The following FCHO2 variants were observed in gnomAD, a reference collection of about 807,000 sequenced individuals.
The protein encoded by FCHO2 is F-BAR domain only protein 2.
FCHO2 carries 43 observed loss-of-function variants against 114.1 expected under a neutral mutation model. That is an observed-to-expected ratio of 0.38 (90% CI 0.30 to 0.49). FCHO2 has a LOEUF of 0.49. Ranked by LOEUF, FCHO2 falls within the 20% of genes least tolerant of loss-of-function variation. The pLI, the probability that FCHO2 is intolerant of heterozygous loss-of-function variation, is 0.97. For synonymous variants in FCHO2, 293 were observed against 315.2 expected (o/e 0.93, Z 0.75); for missense variants, 807 against 950.4 (o/e 0.85, Z 1.98).
chr5:73,078,987 T>C (rs570507348), intron 22 of FCHO2, among the ~76,000 whole-genome samples: 5 of 152,366 alleles, frequency 3.3e-5, no homozygotes, highest in South Asian at 2.1e-4. Context: ...AGTTAACTTA[T>C]ACATCTAATA....
At chr5:73,068,463 A>G (rs1742471754) in intron 18 of FCHO2, among the ~76,000 whole-genome samples, 187 bp from the exon 19 acceptor site, 1 of 152,086 alleles carries the variant, frequency 6.6e-6, no homozygotes, top group Non-Finnish European at 1.5e-5. Flanking sequence ...ATTATTTCAA[A>G]ATAATCTTTT....
In FCHO2 at chr5:73,068,776, G is replaced by A; in HGVS notation, c.1576G>A (p.Val526Ile). The change falls in exon 19 of 26, where the codon GTA (valine) becomes ATA (isoleucine). Residue 526 changes from valine to isoleucine, a missense_variant. Val to Ile is a conservative substitution (Grantham distance 29). Coordinates refer to ENST00000430046, the MANE Select transcript of FCHO2 (RefSeq NM_138782.3). ...ASLSAANTPTVGVSRGPSPVS... is the reference protein window; with the variant it reads ...ASLSAANTPTIGVSRGPSPVS... ...ATTGAGTGCTGCCAATACTCCAACAGTAGGTAAGTGATTATCATCAATTAC... is the reference window on the plus strand; with the variant it reads ...ATTGAGTGCTGCCAATACTCCAACAATAGGTAAGTGATTATCATCAATTAC... 1 of 1,611,020 alleles carries A rather than the reference G, an allele frequency of 6.2e-7. No individual in the cohort carries two copies. Among genetic ancestry groups the A allele is most frequent in the Non-Finnish European group, 8.5e-7 (1 of 1,178,354 alleles).
intron 24 of FCHO2, 69 bp downstream of exon 24, chr5:73,082,894 A>G: frequency 7.7e-7 from 1 of 1,304,512 alleles, no homozygotes. Context: ...TTTTTTTTTA[A>G]AACAGAGTCT....
At chr5:73,085,843 G>C (rs868540516) in intron 24 of FCHO2, among the ~76,000 whole-genome samples, 1 of 151,052 alleles carries the variant, frequency 6.6e-6, no homozygotes, top group Non-Finnish European at 1.5e-5. Context: ...CTGTAAAATA[G>C]GCTGGGCACG....
At chr5:73,004,047 CAAAAAAAAA>C (rs34849736) in intron 5 of FCHO2, among the ~76,000 whole-genome samples, 1 of 26,496 alleles carries the variant, frequency 3.8e-5, no homozygotes, top group Admixed American at 4.7e-4. Context: ...GACTCCATCT[CAAAAAAAAA>C]AAAAAAAAAA....
chr5:73,081,671 C>G, intron 22 of FCHO2, 112 bp from the exon 23 acceptor site: 1 of 705,820 alleles, frequency 1.4e-6, no homozygotes, highest in East Asian at 3.2e-5. Flanking sequence ...AGATAGTCCC[C>G]TCATTAGATA....
intron 9 of FCHO2, among the ~76,000 whole-genome samples, chr5:73,036,832 T>A (rs1024528107): frequency 1.3e-5 from 2 of 152,202 alleles, no homozygotes; most frequent in Non-Finnish European, 2.9e-5. Flanking sequence ...GTACTTTCTT[T>A]GAAGTTTTAA....
intron 1 of FCHO2, 95 bp from the exon 2 acceptor site, chr5:72,968,403 G>A (rs1752324239): frequency 1.3e-6 from 1 of 782,198 alleles, no homozygotes; most frequent in Admixed American, 3.6e-5. Flanking sequence ...CCTCACCTGA[G>A]CACAGGATTG....
At chr5:73,086,480 A>G (rs1743315811) in intron 24 of FCHO2, among the ~76,000 whole-genome samples, 1 of 152,142 alleles carries the variant, frequency 6.6e-6, no homozygotes, top group Non-Finnish European at 1.5e-5. Context: ...ATTTCTGTCC[A>G]TTTGCTCTAT....
chr5:72,996,540 A>C (rs1754113798), intron 5 of FCHO2, among the ~76,000 whole-genome samples: 4 of 120,858 alleles, frequency 3.3e-5, no homozygotes, highest in African/African-American at 6.3e-5. Flanking sequence ...CCCCTCCCTT[A>C]CCCCTTCATC....
intron 8 of FCHO2, chr5:73,021,170 C>T (rs2112758157): frequency 1.3e-6 from 1 of 774,678 alleles, no homozygotes; most frequent in Non-Finnish European, 2.4e-6. Flanking sequence ...CTCCTTTGTC[C>T]AGGCTGGTGA....
At chr5:73,047,126 C>G (rs937092964) in intron 11 of FCHO2, among the ~76,000 whole-genome samples, 3 of 151,972 alleles carry the variant, frequency 2.0e-5, no homozygotes, top group African/African-American at 7.3e-5. Flanking sequence ...ACTTGTATGC[C>G]CTTTATTTTT....
At chr5:73,004,553 G>T (rs1378327979) in intron 5 of FCHO2, among the ~76,000 whole-genome samples, 2 of 151,926 alleles carry the variant, frequency 1.3e-5, no homozygotes, top group Non-Finnish European at 2.9e-5. Context: ...ATAAAAGCAG[G>T]CACTATTTAT....
In FCHO2 at chr5:73,068,696, C is replaced by T. The variant is rs1237814977; in HGVS notation, c.1496C>T (p.Pro499Leu). 4.3e-6 allele frequency: 7 copies of T among 1,612,408 alleles called. No homozygotes were observed. In the African/African-American group the frequency reaches 9.4e-5, roughly 22 times the overall value. Residue 499 changes from proline (P) to leucine (L), a missense_variant, in exon 19 of 26, where the codon CCT (proline) becomes CTT (leucine). Physicochemically the swap from Pro to Leu is moderately conservative, Grantham distance 98. Transcript: ENST00000430046. ...GTAACTTCCAACACCAGCCCACCTC[C>T]TGCTGCACCATTAGCCCGGGCAGAA... ...PPVTSNTSPP[P>L]AAPLARAESS...
Position 72,968,516 on chromosome 5 carries a change from T to C in FCHO2, c.52T>C (p.Phe18Leu). The C allele has an allele frequency of 6.6e-7, 1 of 1,522,750 alleles. No individual in the cohort carries two copies. The highest frequency in any genetic ancestry group is 8.7e-7 in the Non-Finnish European group (1 of 1,144,258). The allele number at this position is 1,522,750 out of a possible 1,614,324, so 94.3% of individuals were successfully genotyped here. A position where few individuals can be genotyped will look rare whatever the true frequency, so the allele number is the denominator to read the frequency against. ...ENFWGEKNSG[F>L]DVLYHNMKHG... is the part of the protein sequence containing the mutation. ...ATTTTAGGGGGAAAAAAATAGTGGC[T>C]TTGATGTCCTCTACCATAATATGAA... Residue 18 changes from phenylalanine to leucine, a missense_variant, in exon 2 of 26, where the codon TTT (phenylalanine) becomes CTT (leucine). Physicochemically the swap from Phe to Leu is conservative, Grantham distance 22. Coordinates refer to ENST00000430046, the MANE Select transcript of FCHO2 (RefSeq NM_138782.3).
intron 16 of FCHO2, among the ~76,000 whole-genome samples, chr5:73,057,913 GTTATC>G (rs1482231644): frequency 6.6e-6 from 1 of 152,030 alleles, no homozygotes; most frequent in African/African-American, 2.4e-5. Context: ...AACTTCACAT[GTTATC>G]TTAGGTTACG....
intron 2 of FCHO2, among the ~76,000 whole-genome samples, chr5:72,983,007 G>A (rs925325795): frequency 6.6e-6 from 1 of 151,770 alleles, no homozygotes; most frequent in East Asian, 1.9e-4. Context: ...TCCGCTTCCC[G>A]GGTTCATGCC....
intron 5 of FCHO2, among the ~76,000 whole-genome samples, chr5:72,995,662 T>A (rs1284587130): frequency 6.6e-6 from 1 of 151,876 alleles, no homozygotes. Context: ...TTGTGGGGAG[T>A]CTGCCGAATT....
At chr5:73,066,235 A>G (rs758973618) in intron 18 of FCHO2, among the ~76,000 whole-genome samples, 3 of 152,024 alleles carry the variant, frequency 2.0e-5, no homozygotes, top group Non-Finnish European at 2.9e-5. Context: ...AGAGCCTTCT[A>G]GAAACCACCC....
Sources: gnomAD v4.1 joint callset for allele counts (sites outside exome capture counted in the v4.1 genomes callset) on GRCh38, gnomAD v4.1.1 for gene constraint, MANE v1.5 for transcripts, NCBI Gene and HGNC (gene_info 2026-07-23, HGNC 2026-07-21) for gene names.